The following CCZ1B variants were observed in gnomAD, a reference collection of about 807,000 sequenced individuals.
CCZ1B encodes CCZ1B vacuolar protein trafficking and biogenesis associated, also known as vacuolar fusion protein CCZ1 homolog B.
CCZ1B carries 25 observed loss-of-function variants against 58.8 expected under a neutral mutation model. The ratio of observed to expected loss-of-function variants is 0.43; its 90% CI spans 0.31 to 0.59. The LOEUF is 0.59. Ranked by LOEUF, CCZ1B falls within the 20% of genes least tolerant of loss-of-function variation. The probability of loss-of-function intolerance (pLI) is 0.12; values close to 1 mark genes in which losing one functional copy is unlikely to be tolerated. For synonymous variants in CCZ1B, 66 were observed against 173.2 expected (o/e 0.38, Z 4.86); for missense variants, 180 against 501.5 (o/e 0.36, Z 6.12).
In CCZ1B at chr7:6,818,712, CAAGAAAGA is replaced by C. The variant is rs769620724; in HGVS notation, c.698+1046_698+1053del. ...AAGAAAGACAAGAAAGAAAGAAAGA[CAAGAAAGA>C]AAGAAAGAAAGAAAGAAAGAGGGCT... is the stretch of plus-strand genomic sequence containing the variant. On this transcript the variant is annotated intron_variant, in intron 7 of 14. Coordinates refer to ENST00000316731, the MANE Select transcript of CCZ1B (RefSeq NM_198097.5). Among the ~76,000 whole-genome samples the C allele has an allele frequency of 2.7e-4, 22 of 80,706 alleles. 1 individual carries two copies. Among genetic ancestry groups the C allele is most frequent in the Non-Finnish European group, 2.7e-4 (12 of 44,340 alleles). 52.9% of individuals were successfully genotyped at this position (80,706 alleles called of 152,430 possible). A position where few individuals can be genotyped will look rare whatever the true frequency, so the allele number is the denominator to read the frequency against.
In CCZ1B at chr7:6,822,483, T is replaced by A. The variant is rs1783127954; in HGVS notation, c.439-119A>T. ...CAGCTCATTAAATCTCCCAGTTCTT[T>A]CCAACAGAGAATATTTACGTGAGAA... is the stretch of plus-strand genomic sequence containing the variant. On this transcript the variant is annotated intron_variant, in intron 5 of 14. Coordinates refer to ENST00000316731, the MANE Select transcript of CCZ1B (RefSeq NM_198097.5). 5 of 1,396,918 alleles carry A rather than the reference T, an allele frequency of 3.6e-6. 1 individual carries two copies. The South Asian group carries it at 5.8e-5, about 16-fold the overall frequency. The allele number at this position is 1,396,918 out of a possible 1,614,324, so 86.5% of individuals were successfully genotyped here.
Position 6,817,896 on chromosome 7 carries a change from C to T in CCZ1B, c.698+1870G>A, listed in dbSNP as rs147240058. Among the ~76,000 whole-genome samples, 238 of 146,728 alleles carry T rather than the reference C, an allele frequency of 1.6e-3. 22 individuals carry two copies. The highest frequency in any genetic ancestry group is 5.7e-3 in the African/African-American group (222 of 38,772). ...GTACTCACCTGTAATCCCAGCTACT[C>T]GGGAGGCTGAGGCAGGAGAATTGCT... On this transcript the variant is annotated intron_variant, in intron 7 of 14. Coordinates refer to ENST00000316731, the MANE Select transcript of CCZ1B (RefSeq NM_198097.5).
At chr7:6,822,706 C>CTTTTTT (rs58112556) in intron 5 of CCZ1B, among the ~76,000 whole-genome samples, 1 of 120,336 alleles carries the variant, frequency 8.3e-6, no homozygotes. Context: ...ACTTTTTATC[C>CTTTTTT]TTTTTTTTTT....
chr7:6,819,527 C>T (rs1319591179), intron 7 of CCZ1B, among the ~76,000 whole-genome samples: 4 of 149,152 alleles, frequency 2.7e-5, no homozygotes, highest in Non-Finnish European at 5.9e-5. Flanking sequence ...AGCCACCGTG[C>T]CCAGCCTTTC....
rs764809344 is a variant in CCZ1B at position 6,819,943 on chromosome 7, T to G, written c.523-2A>C. 1.9e-6 allele frequency: 3 copies of G among 1,606,300 alleles called. No homozygotes were observed. The highest frequency in any genetic ancestry group is 1.7e-6 in the Non-Finnish European group (2 of 1,177,088). ...CTGCAAATGTAGCGTTTGCAAATACTGTGGAAAAAAAATAAGGCATAAAAT... is the reference window on the plus strand; with the variant it reads ...CTGCAAATGTAGCGTTTGCAAATACGGTGGAAAAAAAATAAGGCATAAAAT... On this transcript the variant is annotated splice_acceptor_variant, in intron 6 of 14. Transcript: ENST00000316731. LOFTEE classifies it high-confidence loss of function.
intron 10 of CCZ1B, among the ~76,000 whole-genome samples, chr7:6,810,253 T>C (rs1438996428): frequency 1.3e-5 from 2 of 149,700 alleles, no homozygotes; most frequent in African/African-American, 5.0e-5. Flanking sequence ...CCTCAGGTGA[T>C]CCGCCCACCT....
At chr7:6,821,294 G>GC (rs1783106398) in intron 6 of CCZ1B, among the ~76,000 whole-genome samples, 1 of 150,190 alleles carries the variant, frequency 6.7e-6, no homozygotes, top group Admixed American at 6.6e-5. Flanking sequence ...ACAGGCGTAA[G>GC]CCACCACACC....
chr7:6,821,412 G>C (rs1783108323), intron 6 of CCZ1B, among the ~76,000 whole-genome samples: 2 of 152,286 alleles, frequency 1.3e-5, no homozygotes, highest in Admixed American at 6.5e-5. Flanking sequence ...GACAAGAACA[G>C]AAACCAGGAG....
intron 9 of CCZ1B, 96 bp downstream of exon 9, chr7:6,812,880 T>C (rs1158174205): frequency 6.5e-7 from 1 of 1,546,608 alleles, no homozygotes; most frequent in East Asian, 2.3e-5. Flanking sequence ...TGAGCGGAGA[T>C]CTTGCCACTG....
chr7:6,819,009 G>A (rs560081445), intron 7 of CCZ1B, among the ~76,000 whole-genome samples: 6 of 147,332 alleles, frequency 4.1e-5, no homozygotes, highest in Non-Finnish European at 7.4e-5. Flanking sequence ...AAGAAAGTAG[G>A]TGCAGTGGCT....
At chr7:6,803,959 A>C (rs540090030) in intron 12 of CCZ1B, among the ~76,000 whole-genome samples, 18 of 146,032 alleles carry the variant, frequency 1.2e-4, no homozygotes, top group East Asian at 2.1e-4. Context: ...AAAAAAAAAA[A>C]AAACCCAAAA....
At chr7:6,812,954 A>T in intron 9 of CCZ1B, 22 bp downstream of exon 9, 1 of 1,549,984 alleles carries the variant, frequency 6.5e-7, no homozygotes. Flanking sequence ...CAGTATCATA[A>T]ATCAAAGAAC....
At chr7:6,819,554 G>A (rs1783075073) in intron 7 of CCZ1B, among the ~76,000 whole-genome samples, 1 of 148,650 alleles carries the variant, frequency 6.7e-6, no homozygotes, top group Non-Finnish European at 1.5e-5. Context: ...CATGCAGCCA[G>A]TTTTAAACTC....
At chr7:6,819,255 G>A (rs1583555980) in intron 7 of CCZ1B, among the ~76,000 whole-genome samples, 1 of 132,594 alleles carries the variant, frequency 7.5e-6, no homozygotes, top group South Asian at 2.5e-4. Context: ...TTTTTTTTTG[G>A]AGACAGAGTC....
chr7:6,823,781 A>C (rs1783152786), intron 4 of CCZ1B: 1 of 404,748 alleles, frequency 2.5e-6, no homozygotes, highest in Admixed American at 4.5e-5. Context: ...GACCTCCCAA[A>C]GTACTAGGAT....
chr7:6,819,246 T>C lies in CCZ1B; in HGVS notation c.698+520A>G, dbSNP rs1405850901. 2.4e-4 allele frequency among the ~76,000 whole-genome samples: 35 copies of C among 147,926 alleles called. 1 individual carries two copies. The highest frequency in any genetic ancestry group is 8.7e-4 in the African/African-American group (34 of 39,070). On this transcript the variant is annotated intron_variant, in intron 7 of 14. Coordinates refer to ENST00000316731, the MANE Select transcript of CCZ1B (RefSeq NM_198097.5). ...CTTACTTGATAGGAACATTCTTTTT[T>C]TTTTTTTGGAGACAGAGTCTCTCTC...
At chr7:6,803,766 A>C (rs143675376) in intron 12 of CCZ1B, among the ~76,000 whole-genome samples, 2,470 of 149,058 alleles carry the variant, frequency 0.017, 16 homozygotes, top group African/African-American at 0.058. Context: ...GTTCGAGACC[A>C]GTCTGACCAA....
Position 6,803,769 on chromosome 7 carries a change from C to T in CCZ1B, c.1106+1169G>A, listed in dbSNP as rs183023446. Among the ~76,000 whole-genome samples, 441 of 150,740 alleles carry T rather than the reference C, an allele frequency of 2.9e-3. 1 individual carries two copies. Among genetic ancestry groups the T allele is most frequent in the Admixed American group, 0.027 (408 of 14,942 alleles). On this transcript the variant is annotated intron_variant, in intron 12 of 14. Coordinates refer to ENST00000316731, the MANE Select transcript of CCZ1B (RefSeq NM_198097.5). ...ACGAGGTCAGGAGTTCGAGACCAGT[C>T]TGACCAACATGGTAAAACCCAGTCT...
chr7:6,815,012 CTATT>C (rs1782978016), intron 7 of CCZ1B, among the ~76,000 whole-genome samples, 167 bp from the exon 8 acceptor site: 2 of 147,292 alleles, frequency 1.4e-5, no homozygotes, highest in Admixed American at 1.4e-4. Context: ...TCAAAGCAAT[CTATT>C]TTTCTACCTG....
Sources: gnomAD v4.1 joint callset for allele counts (sites outside exome capture counted in the v4.1 genomes callset) on GRCh38, gnomAD v4.1.1 for gene constraint, MANE v1.5 for transcripts, NCBI Gene and HGNC (gene_info 2026-07-23, HGNC 2026-07-21) for gene names.